Variants in TMEM204 observed in about 807,000 individuals in gnomAD.
The protein encoded by TMEM204 is claudin-like protein 24.
In TMEM204, 15 loss-of-function variants were observed where a neutral mutation model predicts 19.4. That is an observed-to-expected ratio of 0.77 (90% CI 0.52 to 1.19). The LOEUF is 1.19. Ranked by LOEUF, TMEM204 falls within the 50% of genes most tolerant of loss-of-function variation. The pLI is 0.00. For missense variants in TMEM204, 287 were observed against 321.2 expected (o/e 0.89, Z 0.81); for synonymous variants, 161 against 146.0 (o/e 1.10, Z -0.74).
intron 1 of TMEM204, chr16:1,541,506 C>G (rs1227347012): frequency 6.1e-6 from 6 of 985,286 alleles, no homozygotes; most frequent in African/African-American, 3.5e-5. Context: ...AGGCAGCGCC[C>G]TCGTCTTGGA....
chr16:1,530,133 C>CTTTTTTTTTTTTTTTTTTTTTTTTT (rs922819138), upstream of TMEM204, among the ~76,000 whole-genome samples: 16 of 88,586 alleles, frequency 1.8e-4, no homozygotes, highest in African/African-American at 3.8e-4. Flanking sequence ...CGACGGGAAT[C>CTTTTTTTTTTTTTTTTTTTTTTTTT]TTTTTTTTTT....
At position 1,553,867 on chromosome 16, in the gene TMEM204, A is replaced by G; in HGVS notation, c.437-915A>G. The G allele has an allele frequency of 8.0e-7, 1 of 1,244,886 alleles. No homozygotes were observed. The highest frequency in any genetic ancestry group is 1.0e-6 in the Non-Finnish European group (1 of 966,482). 77.1% of individuals were successfully genotyped at this position (1,244,886 alleles called of 1,614,324 possible). On this transcript the variant is annotated intron_variant, in intron 2 of 2. Transcript: ENST00000566264. The surrounding 1 kb of genome is among the most constrained non-coding windows in gnomAD (Gnocchi z 4.4). The stretch of plus-strand genomic sequence containing the variant: ...ACAGTGTCCTGTTATCCTAGTTGGT[A>G]GACTCTAGTCACGAAACCCTGATTT...
At position 1,555,049 on chromosome 16, in the gene TMEM204, C is replaced by T. The variant is rs200066351; in HGVS notation, c.*23C>T. The stretch of plus-strand genomic sequence containing the variant: ...TGAGTCGCCCTTCTCAGCGCTCCAT[C>T]AACGCACACCTGCTATCGTGGAACA... On this transcript the variant is annotated 3_prime_UTR_variant, in exon 3 of 3. Transcript: ENST00000566264. 2.5e-5 allele frequency: 40 copies of T among 1,593,008 alleles called. No homozygotes were observed. The African/African-American group carries it at 4.3e-4, about 17-fold the overall frequency.
At chr16:1,542,311 T>A (rs2141294447) in intron 2 of TMEM204, among the ~76,000 whole-genome samples, 1 of 152,352 alleles carries the variant, frequency 6.6e-6, no homozygotes, top group East Asian at 1.9e-4. Flanking sequence ...TGCGACCACC[T>A]GGCGTGTCTG....
intron 2 of TMEM204, among the ~76,000 whole-genome samples, chr16:1,547,634 T>A (rs1316245882): frequency 6.6e-6 from 1 of 152,158 alleles, no homozygotes; most frequent in Non-Finnish European, 1.5e-5. Flanking sequence ...CCTCCCAGGT[T>A]CAAGTGATTC....
Position 1,534,062 on chromosome 16 carries a change from C to T in TMEM204, c.-214C>T. 2 of 591,978 alleles carry T rather than the reference C, an allele frequency of 3.4e-6. No homozygotes were observed. Among genetic ancestry groups the T allele is most frequent in the Non-Finnish European group, 5.6e-6 (2 of 355,718 alleles). 36.7% of individuals were successfully genotyped at this position (591,978 alleles called of 1,614,324 possible). On this transcript the variant is annotated 5_prime_UTR_variant, in exon 1 of 3. Coordinates refer to ENST00000566264, the MANE Select transcript of TMEM204 (RefSeq NM_024600.6). ...TGGGCCCCGAGGCGAGCAGCTTCAG[C>T]ACAGGCCTGGCCCTGCTCCAGGTGC...
At chr16:1,537,104 C>T (rs892038764) in intron 1 of TMEM204, among the ~76,000 whole-genome samples, 1 of 152,246 alleles carries the variant, frequency 6.6e-6, no homozygotes, top group Non-Finnish European at 1.5e-5. Flanking sequence ...TGATGGGCTG[C>T]GACCGTCTGT....
rs199525863 is a variant in TMEM204 at position 1,534,376 on chromosome 16, C to T, written c.101C>T (p.Thr34Met). 104 of 1,612,848 alleles carry T rather than the reference C, an allele frequency of 6.4e-5. No individual in the cohort carries two copies. The highest frequency in any genetic ancestry group is 9.3e-5 in the African/African-American group (7 of 75,056). Residue 34 changes from threonine (T) to methionine (M), a missense_variant, in exon 1 of 3, where the codon ACG becomes ATG. Thr to Met is a moderately conservative substitution (Grantham distance 81). Coordinates refer to ENST00000566264, the MANE Select transcript of TMEM204 (RefSeq NM_024600.6). ...TTCACCTCCAACTGGGTGTGCCAGA[C>T]GCTGGAGGATGGGCGCAGGCGCAGC... ...AAFTSNWVCQTLEDGRRRSVG... is the reference protein window; with the variant it reads ...AAFTSNWVCQMLEDGRRRSVG...
At chr16:1,537,316 T>G (rs1057150697) in intron 1 of TMEM204, among the ~76,000 whole-genome samples, 22 of 152,292 alleles carry the variant, frequency 1.4e-4, no homozygotes, top group South Asian at 4.1e-4. Context: ...CGCGTGGATG[T>G]CTCCGGACGG....
upstream of TMEM204, among the ~76,000 whole-genome samples, chr16:1,529,210 T>A (rs2030173415): frequency 6.6e-6 from 1 of 152,158 alleles, no homozygotes; most frequent in Admixed American, 6.5e-5. Flanking sequence ...GGTGCATGTG[T>A]CTTAGCAGCA....
At chr16:1,530,132 TC>T (rs547411320), upstream of TMEM204, among the ~76,000 whole-genome samples, 9 of 143,324 alleles carry the variant, frequency 6.3e-5, no homozygotes, top group Admixed American at 3.6e-4. Flanking sequence ...ACGACGGGAA[TC>T]TTTTTTTTTT....
intron 2 of TMEM204, among the ~76,000 whole-genome samples, chr16:1,548,094 C>G (rs1392089740): frequency 6.6e-6 from 1 of 152,260 alleles, no homozygotes; most frequent in African/African-American, 2.4e-5. Context: ...GCCTCTCGCT[C>G]TTCCCTCCCA....
chr16:1,541,220 C>G (rs965900628), intron 1 of TMEM204: 2 of 985,322 alleles, frequency 2.0e-6, no homozygotes, highest in African/African-American at 3.5e-5. Context: ...GAAGCAGGCC[C>G]TGACTTAAGC....
At chr16:1,536,884 C>A (rs573275493) in intron 1 of TMEM204, among the ~76,000 whole-genome samples, 1 of 152,234 alleles carries the variant, frequency 6.6e-6, no homozygotes, top group Non-Finnish European at 1.5e-5. Flanking sequence ...TGTCCCCAAT[C>A]GGGTGAGGGG....
At chr16:1,548,952 C>A (rs993574410) in intron 2 of TMEM204, among the ~76,000 whole-genome samples, 3 of 152,248 alleles carry the variant, frequency 2.0e-5, no homozygotes, top group Middle Eastern at 3.2e-3. Flanking sequence ...CATCTGTTCA[C>A]GACGTGAACC....
upstream of TMEM204, chr16:1,532,736 G>C (rs754335448): frequency 1.3e-5 from 2 of 152,256 alleles, no homozygotes; most frequent in African/African-American, 2.4e-5. Context: ...GCTGGGTTTC[G>C]GGTCTCTGGA....
chr16:1,541,509 G>A lies in TMEM204; in HGVS notation c.281-412G>A, dbSNP rs193174610. On this transcript the variant is annotated intron_variant, in intron 1 of 2. Coordinates refer to ENST00000566264, the MANE Select transcript of TMEM204 (RefSeq NM_024600.6). ...GAGTCTCCGGTCAGGCAGCGCCCTC[G>A]TCTTGGATGCTGTGAATTCAGTGAC... 2.5e-3 allele frequency: 2,501 copies of A among 985,364 alleles called. 5 individuals carry two copies. The highest frequency in any genetic ancestry group is 2.9e-3 in the Non-Finnish European group (2,393 of 829,864). The allele number at this position is 985,364 out of a possible 1,614,324, so 61.0% of individuals were successfully genotyped here. A position where few individuals can be genotyped will look rare whatever the true frequency, so the allele number is the denominator to read the frequency against.
chr16:1,542,474 G>A (rs2141296055), intron 2 of TMEM204, among the ~76,000 whole-genome samples: 1 of 152,348 alleles, frequency 6.6e-6, no homozygotes, highest in South Asian at 2.1e-4. Flanking sequence ...CAGCCCCTGG[G>A]CAGAGGCAGA....
At position 1,534,260 on chromosome 16, in the gene TMEM204, G is replaced by A. The variant is rs750317245; in HGVS notation, c.-16G>A. The A allele has an allele frequency of 1.1e-4, 176 of 1,608,272 alleles. No individual in the cohort carries two copies. The highest frequency in any genetic ancestry group is 2.8e-4 in the South Asian group (25 of 90,808). Reference sequence around the variant, plus strand: ...ACTTGGCTTTCTCCGGATAAGCGGCGGCACCGGCGTCAGCGATGACCGTGC... The same window carrying A: ...ACTTGGCTTTCTCCGGATAAGCGGCAGCACCGGCGTCAGCGATGACCGTGC... On this transcript the variant is annotated 5_prime_UTR_variant, in exon 1 of 3. Coordinates refer to ENST00000566264, the MANE Select transcript of TMEM204 (RefSeq NM_024600.6).
Sources: allele counts gnomAD v4.1 joint callset (sites outside exome capture counted in the v4.1 genomes callset), GRCh38; gene constraint gnomAD v4.1.1; non-coding constraint Gnocchi (gnomAD v3.1); transcripts MANE v1.5; gene names NCBI Gene and HGNC (gene_info 2026-07-23, HGNC 2026-07-21).